Variants in CAPN8 observed in about 807,000 individuals in gnomAD.
The protein encoded by CAPN8 is calpain-8.
Under a neutral mutation model 80.9 loss-of-function variants are expected in CAPN8, and 87 were observed. That is an observed-to-expected ratio of 1.07 (90% CI 0.90 to 1.28). The LOEUF is 1.28. CAPN8 is among the 50% of genes most tolerant of loss of function. The pLI is 0.00. For synonymous variants in CAPN8, 299 were observed against 273.8 expected (o/e 1.09, Z -0.91); for missense variants, 757 against 702.0 (o/e 1.08, Z -0.89).
In CAPN8 at chr1:223,624,828, C is replaced by T. The variant is rs527424335; in HGVS notation, c.813+977G>A. ...ATAATGAATAGGCCGGGTGCGGTGG[C>T]TCACACCTGTAATCCCAGCACTTTG... On this transcript the variant is annotated intron_variant, in intron 6 of 20. Coordinates refer to ENST00000366872, the MANE Select transcript of CAPN8 (RefSeq NM_001143962.2). Among the ~76,000 whole-genome samples, 15 of 152,328 alleles carry T rather than the reference C, an allele frequency of 9.8e-5. No homozygotes were observed. The South Asian group carries it at 3.1e-3, about 32-fold the overall frequency.
chr1:223,661,064 G>T (rs1056094153), intron 1 of CAPN8, among the ~76,000 whole-genome samples: 1 of 151,924 alleles, frequency 6.6e-6, no homozygotes, highest in Admixed American at 6.6e-5. Flanking sequence ...TACTTGGGAG[G>T]CTGGGACACG....
At chr1:223,644,825 T>C (rs1302859524) in intron 2 of CAPN8, among the ~76,000 whole-genome samples, 2 of 152,188 alleles carry the variant, frequency 1.3e-5, no homozygotes, top group South Asian at 2.1e-4. Context: ...TTTACTCATT[T>C]ATGTGGCCTC....
intron 19 of CAPN8, 119 bp from the exon 20 acceptor site, chr1:223,543,285 C>A (rs935566142): frequency 1.7e-6 from 2 of 1,182,416 alleles, no homozygotes; most frequent in Non-Finnish European, 2.4e-6. Context: ...CCCCTACCAC[C>A]CCCTCCCCTC....
chr1:223,612,406 A>T (rs1657052352), intron 10 of CAPN8, 149 bp from the exon 11 acceptor site: 2 of 605,998 alleles, frequency 3.3e-6, no homozygotes, highest in Admixed American at 4.4e-5. Flanking sequence ...GCCAGTCAGC[A>T]TTTCTGAAAC....
At chr1:223,621,769 C>G (rs952352753) in intron 7 of CAPN8, among the ~76,000 whole-genome samples, 1 of 151,982 alleles carries the variant, frequency 6.6e-6, no homozygotes, top group African/African-American at 2.4e-5. Flanking sequence ...CACAGAGTAC[C>G]GACAGCACTT....
At chr1:223,623,582 C>T (rs1657468527) in intron 6 of CAPN8, among the ~76,000 whole-genome samples, 1 of 152,230 alleles carries the variant, frequency 6.6e-6, no homozygotes, top group Admixed American at 6.5e-5. Context: ...CATATACACA[C>T]ACCAACTGTG....
intron 2 of CAPN8, among the ~76,000 whole-genome samples, chr1:223,634,361 T>A (rs1232862908): frequency 6.6e-6 from 1 of 151,846 alleles, no homozygotes; most frequent in Non-Finnish European, 1.5e-5. Context: ...GCCAGTCACA[T>A]CTCCAGGAGG....
chr1:223,626,700 C>T (rs35820128), intron 5 of CAPN8, among the ~76,000 whole-genome samples: 11,167 of 152,184 alleles, frequency 0.073, 572 homozygotes, highest in Non-Finnish European at 0.11. Flanking sequence ...ATCCAGGGAT[C>T]CTAGACTATG....
chr1:223,660,182 T>A (rs921456954), intron 1 of CAPN8, among the ~76,000 whole-genome samples: 1 of 152,196 alleles, frequency 6.6e-6, no homozygotes, highest in Non-Finnish European at 1.5e-5. Flanking sequence ...CATCACTTCA[T>A]TGCTGTCTTG....
intron 13 of CAPN8, among the ~76,000 whole-genome samples, chr1:223,557,053 G>A (rs971558208): frequency 2.0e-5 from 3 of 152,124 alleles, no homozygotes; most frequent in Non-Finnish European, 4.4e-5. Context: ...ATTGACCACT[G>A]GCTGAACTAC....
chr1:223,545,279 C>G lies in CAPN8; in HGVS notation c.1785G>C (p.Leu595Phe). Residue 595 changes from leucine to phenylalanine, a missense_variant, in exon 17 of 21, where the codon TTG becomes TTC. By Grantham distance (22) the Leu-to-Phe change is conservative. Transcript: ENST00000366872. ...AGAGCGTCTTGAATTCCACCGCCCC[C>G]AAAGTGCCCGTTCCATTGCTCTAGG... ...SLLDSNGTGT[L>F]GAVEFKTLWL... The G allele has an allele frequency of 1.9e-6, 3 of 1,551,660 alleles. No individual in the cohort carries two copies. Among genetic ancestry groups the G allele is most frequent in the South Asian group, 1.2e-5 (1 of 84,052 alleles).
At chr1:223,611,138 G>A (rs1657020367) in intron 11 of CAPN8, among the ~76,000 whole-genome samples, 1 of 152,174 alleles carries the variant, frequency 6.6e-6, no homozygotes, top group African/African-American at 2.4e-5. Context: ...TATAAATGGG[G>A]CATTTCTGAT....
intron 14 of CAPN8, among the ~76,000 whole-genome samples, chr1:223,552,538 T>C (rs367887956): frequency 1.6e-5 from 2 of 121,302 alleles, no homozygotes; most frequent in African/African-American, 6.6e-5. Flanking sequence ...CCAGCCTGGG[T>C]CACAGAGCAA....
intron 2 of CAPN8, among the ~76,000 whole-genome samples, chr1:223,633,393 T>TAA: frequency 8.1e-6 from 1 of 123,382 alleles, no homozygotes; most frequent in Non-Finnish European, 1.7e-5. Flanking sequence ...AAATGCTCTC[T>TAA]TAAAAAAAAA....
intron 9 of CAPN8, among the ~76,000 whole-genome samples, chr1:223,618,449 G>A (rs754077898): frequency 4.6e-5 from 7 of 152,212 alleles, no homozygotes; most frequent in Admixed American, 2.6e-4. Context: ...CACGGCCCAC[G>A]CTGTCTTTGC....
In CAPN8 at chr1:223,628,314, C is replaced by T. The variant is rs78210984; in HGVS notation, c.427-172G>A. Among the ~76,000 whole-genome samples the T allele has an allele frequency of 3.7e-3, 571 of 152,308 alleles. 21 individuals carry two copies. In the East Asian group the frequency reaches 0.08, roughly 21 times the overall value. On this transcript the variant is annotated intron_variant, in intron 3 of 20. Coordinates refer to ENST00000366872, the MANE Select transcript of CAPN8 (RefSeq NM_001143962.2). Reference sequence around the variant, plus strand: ...GCACATAGGAGATGCCAGATGAACCCGGGAACATCTAGTCCAGGGTCTGCG... The same window carrying T: ...GCACATAGGAGATGCCAGATGAACCTGGGAACATCTAGTCCAGGGTCTGCG...
At chr1:223,633,003 G>A (rs1254674145) in intron 2 of CAPN8, among the ~76,000 whole-genome samples, 1 of 152,240 alleles carries the variant, frequency 6.6e-6, no homozygotes, top group Non-Finnish European at 1.5e-5. Flanking sequence ...TCCCAAGGCT[G>A]CAGGTGCAAG....
In CAPN8 at chr1:223,545,272, C is replaced by G; in HGVS notation, c.1792G>C (p.Val598Leu). ...TTCAGCCAGAGCGTCTTGAATTCCA[C>G]CGCCCCCAAAGTGCCCGTTCCATTG... ...DSNGTGTLGA[V>L]EFKTLWLKIQ... Residue 598 changes from valine (V) to leucine (L), a missense_variant, in exon 17 of 21, where the codon GTG (valine) becomes CTG (leucine). Transcript: ENST00000366872. 1 of 1,551,654 alleles carries G rather than the reference C, an allele frequency of 6.4e-7. No homozygotes were observed. The highest frequency in any genetic ancestry group is 8.7e-7 in the Non-Finnish European group (1 of 1,146,944).
At chr1:223,616,624 G>T (rs1303742779) in intron 9 of CAPN8, among the ~76,000 whole-genome samples, 3 of 152,138 alleles carry the variant, frequency 2.0e-5, no homozygotes, top group African/African-American at 4.8e-5. Flanking sequence ...CTACCAAAAA[G>T]GTCTCTCCGT....
Sources: gnomAD v4.1 joint callset for allele counts (sites outside exome capture counted in the v4.1 genomes callset) on GRCh38, gnomAD v4.1.1 for gene constraint, MANE v1.5 for transcripts, NCBI Gene and HGNC (gene_info 2026-07-23, HGNC 2026-07-21) for gene names.